The following GPR19 variants were observed in gnomAD, a reference collection of about 807,000 sequenced individuals.
GPR19 encodes probable G protein-coupled receptor 19.
GPR19 carries 14 observed loss-of-function variants against 28.5 expected under a neutral mutation model. That is an observed-to-expected ratio of 0.49 (90% confidence interval 0.32 to 0.77). GPR19 has a LOEUF of 0.77. Among genes scored for constraint, GPR19 ranks in the 30% least tolerant of loss-of-function variants. The probability of loss-of-function intolerance (pLI) is 0.03; values close to 1 mark genes in which losing one functional copy is unlikely to be tolerated. For missense variants in GPR19, 409 were observed against 504.1 expected, an observed-to-expected ratio of 0.81 and a Z score of 1.81; for synonymous variants, 173 against 184.1, an observed-to-expected ratio of 0.94 and a Z score of 0.49.
At chr12:12,701,813 C>T in the GPR19 span, among the ~76,000 whole-genome samples, 1 of 151,238 alleles carries the variant, frequency 6.6e-6, no homozygotes, top group African/African-American at 2.4e-5. Flanking sequence ...TGCCTGTCAT[C>T]CTAGCTGCTT....
chr12:12,708,664 A>C, the GPR19 span, among the ~76,000 whole-genome samples: 8 of 152,146 alleles, frequency 5.3e-5, no homozygotes, highest in Admixed American at 5.2e-4. Context: ...TCTATTTCAG[A>C]GCTTCATCTG....
Position 12,662,011 on chromosome 12 carries a change from A to C in GPR19, c.438T>G (p.Tyr146Ter). The change falls in exon 4 of 4, where the codon TAT becomes TAG. Residue 146 changes from tyrosine to a stop codon, truncating the protein, a stop_gained. Transcript: ENST00000651487. LOFTEE classifies it high-confidence loss of function. ...ATCKVVRYFQ[Y>*]LTPGVQIYVL... ...CGTAGATCTGGACACCTGGAGTGAG[A>C]TATTGAAAATATCGCACAACCTTGC... The C allele has an allele frequency of 6.2e-7, 1 of 1,614,234 alleles. No individual in the cohort carries two copies.
upstream of GPR19, chr12:12,696,227 C>T (rs1304256437): frequency 6.6e-6 from 1 of 152,136 alleles, no homozygotes; most frequent in South Asian, 2.1e-4. Context: ...GAGCCAGACG[C>T]ATGCGCAAAC....
chr12:12,689,102 G>A (rs960689310), intron 2 of GPR19, among the ~76,000 whole-genome samples: 3 of 152,208 alleles, frequency 2.0e-5, no homozygotes, highest in African/African-American at 7.2e-5. Flanking sequence ...AAGCTTGCAT[G>A]TCACATGGCG....
chr12:12,709,808 A>G, the GPR19 span, among the ~76,000 whole-genome samples: 1 of 152,136 alleles, frequency 6.6e-6, no homozygotes, highest in African/African-American at 2.4e-5. Flanking sequence ...CTGCCTTACA[A>G]TTTACTAATT....
At chr12:12,689,988 A>G (rs1946160309) in intron 2 of GPR19, among the ~76,000 whole-genome samples, 1 of 152,172 alleles carries the variant, frequency 6.6e-6, no homozygotes, top group African/African-American at 2.4e-5. Flanking sequence ...CAGTGACCAT[A>G]CCCCTAGCTA....
chr12:12,703,383 C>T, the GPR19 span: 8 of 985,234 alleles, frequency 8.1e-6, no homozygotes, highest in East Asian at 1.1e-4. Context: ...AGTGCGTGTT[C>T]GTGTGTGTAA....
At chr12:12,692,088 C>T (rs1946189195) in intron 2 of GPR19, among the ~76,000 whole-genome samples, 2 of 152,174 alleles carry the variant, frequency 1.3e-5, no homozygotes, top group Non-Finnish European at 2.9e-5. Flanking sequence ...TCTGATCCCT[C>T]CAGGGTTTGA....
Position 12,661,681 on chromosome 12 carries a change from A to G in GPR19, c.768T>C (p.Asp256=), listed in dbSNP as rs771522594. 6.2e-7 allele frequency: 1 copy of G among 1,614,178 alleles called. No homozygotes were observed. Among genetic ancestry groups the G allele is most frequent in the South Asian group, 1.1e-5 (1 of 91,092 alleles). ...TCATTGTCCTCCTCACCGTTCGGCC[A>G]TCTGTGCCTATTCTCCAAATATATT... The part of the protein sequence containing the change: ...VIKYIWRIGT[D]GRTVRRTMNI... The change falls in exon 4 of 4, where the codon GAT becomes GAC. Residue 256 remains aspartate (D), a synonymous_variant. Transcript: ENST00000651487. The surrounding 1 kb of genome is among the most constrained non-coding windows in gnomAD (Gnocchi z 4.2).
chr12:12,668,041 C>A (rs1945807323), intron 3 of GPR19, among the ~76,000 whole-genome samples: 1 of 152,112 alleles, frequency 6.6e-6, no homozygotes, highest in African/African-American at 2.4e-5. Flanking sequence ...TGTACCTGTG[C>A]TTGACTTTGC....
At chr12:12,692,873 A>G (rs1946206620) in intron 2 of GPR19, among the ~76,000 whole-genome samples, 2 of 152,178 alleles carry the variant, frequency 1.3e-5, no homozygotes, top group Non-Finnish European at 2.9e-5. Context: ...GACAGAGACC[A>G]ATCTGTCTAG....
At chr12:12,668,822 A>G (rs1197972652) in intron 3 of GPR19, among the ~76,000 whole-genome samples, 1 of 152,182 alleles carries the variant, frequency 6.6e-6, no homozygotes, top group Admixed American at 6.5e-5. Flanking sequence ...GTTAATACTT[A>G]TTTTTGTGCT....
chr12:12,717,005 G>C, the GPR19 span: 1 of 997,646 alleles, frequency 1.0e-6, no homozygotes, highest in Non-Finnish European at 1.2e-6. Context: ...TCCCGGGCGA[G>C]GAGCGGGAGG....
chr12:12,680,795 T>G (rs1256016899), intron 3 of GPR19, among the ~76,000 whole-genome samples: 1 of 152,112 alleles, frequency 6.6e-6, no homozygotes, highest in Non-Finnish European at 1.5e-5. Context: ...TTCAAGCGAT[T>G]CTCCTGCCTC....
chr12:12,684,733 C>G lies in GPR19; in HGVS notation c.-179-226G>C, dbSNP rs1438258930. Among the ~76,000 whole-genome samples, 3 of 152,148 alleles carry G rather than the reference C, an allele frequency of 2.0e-5. No homozygotes were observed. The South Asian group carries it at 6.2e-4, about 31-fold the overall frequency. On this transcript the variant is annotated intron_variant, in intron 2 of 3. Transcript: ENST00000651487. ...CAGCAGAAATCTCTGTCTTGATTGGCTCAGACCAAAAATCTCCATATGAAA... is the reference window on the plus strand; with the variant it reads ...CAGCAGAAATCTCTGTCTTGATTGGGTCAGACCAAAAATCTCCATATGAAA...
Position 12,662,149 on chromosome 12 carries a change from G to C in GPR19, c.300C>G (p.Thr100=). Residue 100 remains threonine, a synonymous_variant, in exon 4 of 4, where the codon ACC becomes ACG. Transcript: ENST00000651487. ...IHRSRRTQST[T]NYFVVSMACA... is the part of the protein sequence containing the mutation. Reference sequence around the variant, plus strand: ...ATGCCATGGAGACCACAAAGTAGTTGGTGGTAGACTGAGTCCTCCTACTCC... The same window carrying C: ...ATGCCATGGAGACCACAAAGTAGTTCGTGGTAGACTGAGTCCTCCTACTCC... 8 of 1,613,996 alleles carry C rather than the reference G, an allele frequency of 5.0e-6. No individual in the cohort carries two copies. The highest frequency in any genetic ancestry group is 6.8e-6 in the Non-Finnish European group (8 of 1,179,796).
Position 12,693,104 on chromosome 12 carries a change from C to A in GPR19, c.-180+2355G>T, listed in dbSNP as rs1290023297. On this transcript the variant is annotated intron_variant, in intron 2 of 3. Coordinates refer to ENST00000651487, the MANE Select transcript of GPR19 (RefSeq NM_006143.3). ...CCAGAATTGTCCTACTAGCAAGTAACTTGTCTCTTAGAAGCTGAAATTGCT... is the reference window on the plus strand; with the variant it reads ...CCAGAATTGTCCTACTAGCAAGTAAATTGTCTCTTAGAAGCTGAAATTGCT... Among the ~76,000 whole-genome samples the A allele has an allele frequency of 2.0e-5, 3 of 152,292 alleles. No homozygotes were observed. In the South Asian group the frequency reaches 6.2e-4, roughly 32 times the overall value.
the GPR19 span, among the ~76,000 whole-genome samples, chr12:12,716,082 A>C: frequency 6.6e-6 from 1 of 152,184 alleles, no homozygotes; most frequent in African/African-American, 2.4e-5. Context: ...TTGAAGATCC[A>C]CTGAGCTTTG....
At chr12:12,675,214 C>T (rs36077935) in intron 3 of GPR19, among the ~76,000 whole-genome samples, 7,033 of 152,192 alleles carry the variant, frequency 0.046, 239 homozygotes, top group East Asian at 0.21. Context: ...GAACCTAAAT[C>T]ATCACGTGGG....
Sources: gnomAD v4.1 joint callset for allele counts (sites outside exome capture counted in the v4.1 genomes callset) on GRCh38, gnomAD v4.1.1 for gene constraint, Gnocchi (gnomAD v3.1) non-coding constraint, MANE v1.5 for transcripts, NCBI Gene and HGNC (gene_info 2026-07-23, HGNC 2026-07-21) for gene names.